The following SLC25A12 variants were observed in gnomAD, a reference collection of about 807,000 sequenced individuals.
SLC25A12 encodes the protein electrogenic aspartate/glutamate antiporter SLC25A12, mitochondrial.
In SLC25A12, 32 loss-of-function variants were observed where a neutral mutation model predicts 83.3. The observed-to-expected ratio is 0.38, with a 90% CI of 0.29 to 0.52. The LOEUF (loss-of-function observed/expected upper bound fraction) is 0.52. Ranked by LOEUF, SLC25A12 falls within the 20% of genes least tolerant of loss-of-function variation. The pLI is 0.84. For synonymous variants in SLC25A12, 267 were observed against 291.1 expected, an observed-to-expected ratio of 0.92 and a Z score of 0.84; for missense variants, 611 against 835.6, an observed-to-expected ratio of 0.73 and a Z score of 3.31.
intron 9 of SLC25A12, among the ~76,000 whole-genome samples, chr2:171,816,469 T>C (rs1251269791): frequency 6.6e-6 from 1 of 152,204 alleles, no homozygotes; most frequent in Non-Finnish European, 1.5e-5. Context: ...CACATCCTCT[T>C]GTATTCTTTA....
chr2:171,878,690 C>A (rs1483722622), intron 2 of SLC25A12, among the ~76,000 whole-genome samples: 1 of 152,208 alleles, frequency 6.6e-6, no homozygotes, highest in African/African-American at 2.4e-5. Context: ...ATTTTCAGAT[C>A]TTAACATCCT....
intron 13 of SLC25A12, 147 bp from the exon 14 acceptor site, chr2:171,793,914 G>A: frequency 1.1e-6 from 1 of 894,932 alleles, no homozygotes; most frequent in Non-Finnish European, 1.8e-6. Context: ...ATGACAGTTT[G>A]ACACTTAGGC....
chr2:171,870,815 G>C (rs1214469922), intron 2 of SLC25A12, among the ~76,000 whole-genome samples: 2 of 152,194 alleles, frequency 1.3e-5, no homozygotes, highest in Non-Finnish European at 2.9e-5. Flanking sequence ...CAGGGAAGAA[G>C]AATCAGGGCA....
intron 15 of SLC25A12, chr2:171,789,071 G>A (rs1388587752): frequency 2.6e-5 from 4 of 152,226 alleles, no homozygotes; most frequent in African/African-American, 7.2e-5. Context: ...ATTGTTGATT[G>A]GAAAGCACAA....
At chr2:171,792,984 A>T (rs1228398699) in intron 14 of SLC25A12, among the ~76,000 whole-genome samples, 3 of 152,222 alleles carry the variant, frequency 2.0e-5, no homozygotes, top group African/African-American at 4.8e-5. Flanking sequence ...ATGGAAAGAA[A>T]TATTCTTCCT....
chr2:171,866,439 G>T (rs1244767414), intron 3 of SLC25A12, among the ~76,000 whole-genome samples: 1 of 142,926 alleles, frequency 7.0e-6, no homozygotes, highest in Admixed American at 6.9e-5. Context: ...CCTCCCGGAC[G>T]GGGCGGCTGG....
At chr2:171,892,005 G>A (rs1388888237) in intron 2 of SLC25A12, among the ~76,000 whole-genome samples, 1 of 152,152 alleles carries the variant, frequency 6.6e-6, no homozygotes, top group African/African-American at 2.4e-5. Context: ...AGGCTCATCA[G>A]CATATGTTAG....
At chr2:171,834,948 A>T (rs946148353) in intron 6 of SLC25A12, 83 bp from the exon 7 acceptor site, 13 of 1,440,066 alleles carry the variant, frequency 9.0e-6, no homozygotes, top group Non-Finnish European at 1.2e-5. Flanking sequence ...CTCAAAGAGG[A>T]TCCAAAGGAG....
At chr2:171,890,283 ATTT>A (rs1685903566) in intron 2 of SLC25A12, among the ~76,000 whole-genome samples, 1 of 152,218 alleles carries the variant, frequency 6.6e-6, no homozygotes, top group Non-Finnish European at 1.5e-5. Flanking sequence ...GTTAGCATGT[ATTT>A]TTGTCTTCTA....
rs759968024 is a variant in SLC25A12 at position 171,809,628 on chromosome 2, G to C, written c.1283C>G (p.Ala428Gly). The change falls in exon 13 of 18, where the codon GCA (alanine) becomes GGA (glycine). Residue 428 changes from alanine (A) to glycine (G), a missense_variant. Around this residue, in one of 3 missense-constraint regions of SLC25A12, gnomAD observed 540 missense variants for 777.5 expected, o/e 0.69. Transcript: ENST00000422440. ...TRRDGSVPLP[A>G]EVLAGGCAGG... ...TACACAGCCTCCAGCAAGAACTTCTGCTGGAAGTGGAACAGAGCCATCTCT... is the reference window on the plus strand; with the variant it reads ...TACACAGCCTCCAGCAAGAACTTCTCCTGGAAGTGGAACAGAGCCATCTCT... 6.8e-6 allele frequency: 11 copies of C among 1,613,904 alleles called. No individual in the cohort carries two copies. The highest frequency in any genetic ancestry group is 9.3e-6 in the Non-Finnish European group (11 of 1,179,836).
At chr2:171,862,398 C>T (rs1299839341) in intron 3 of SLC25A12, among the ~76,000 whole-genome samples, 1 of 152,200 alleles carries the variant, frequency 6.6e-6, no homozygotes, top group Non-Finnish European at 1.5e-5. Flanking sequence ...ACAAATAATA[C>T]TTGGCTAATG....
intron 2 of SLC25A12, among the ~76,000 whole-genome samples, chr2:171,874,377 A>G (rs969495645): frequency 1.3e-5 from 2 of 152,208 alleles, no homozygotes; most frequent in Non-Finnish European, 2.9e-5. Context: ...GGGTGACAAG[A>G]GCAGAACTCC....
At chr2:171,819,546 T>C (rs1684141422) in intron 9 of SLC25A12, among the ~76,000 whole-genome samples, 2 of 146,636 alleles carry the variant, frequency 1.4e-5, no homozygotes, top group Non-Finnish European at 3.0e-5. Flanking sequence ...AGTTAAGTTG[T>C]GTTAAAGACT....
chr2:171,785,100 T>C lies in SLC25A12; in HGVS notation c.*174A>G. The C allele has an allele frequency of 4.6e-6, 3 of 651,280 alleles. No homozygotes were observed. Among genetic ancestry groups the C allele is most frequent in the East Asian group, 2.9e-5 (1 of 34,462 alleles). 40.3% of individuals were successfully genotyped at this position (651,280 alleles called of 1,614,324 possible). ...AAAGCTTGAAACAGCGTTGTGGTTTTTTCCCTGGGCAAATGATTATTTTAT... is the reference window on the plus strand; with the variant it reads ...AAAGCTTGAAACAGCGTTGTGGTTTCTTCCCTGGGCAAATGATTATTTTAT... On this transcript the variant is annotated 3_prime_UTR_variant, in exon 18 of 18. Coordinates refer to ENST00000422440, the MANE Select transcript of SLC25A12 (RefSeq NM_003705.5).
intron 2 of SLC25A12, among the ~76,000 whole-genome samples, chr2:171,891,256 G>A (rs1685929002): frequency 1.3e-5 from 2 of 151,512 alleles, no homozygotes; most frequent in South Asian, 2.1e-4. Flanking sequence ...CCAAGATCAC[G>A]CCAGTGCATT....
intron 10 of SLC25A12, among the ~76,000 whole-genome samples, 172 bp from the exon 11 acceptor site, chr2:171,813,669 T>C (rs1473757797): frequency 6.6e-6 from 1 of 152,180 alleles, no homozygotes; most frequent in African/African-American, 2.4e-5. Context: ...TAGCAGGCTA[T>C]AGCAAGCACT....
chr2:171,866,910 C>G (rs546903843), intron 3 of SLC25A12, among the ~76,000 whole-genome samples: 3,129 of 150,928 alleles, frequency 0.021, 51 homozygotes, highest in Middle Eastern at 0.039. Flanking sequence ...CTCCTCACTT[C>G]TCAGACGGGG....
chr2:171,804,559 C>G (rs1481074431), intron 13 of SLC25A12, among the ~76,000 whole-genome samples: 1 of 152,166 alleles, frequency 6.6e-6, no homozygotes, highest in Non-Finnish European at 1.5e-5. Context: ...CCACGCCCAG[C>G]CTCCATTTAT....
At chr2:171,809,781 T>C (rs1558914577) in intron 12 of SLC25A12, 95 bp from the exon 13 acceptor site, 2 of 903,568 alleles carry the variant, frequency 2.2e-6, no homozygotes, top group Non-Finnish European at 3.7e-6. Flanking sequence ...ATTTGTCTTA[T>C]GATAAAATTT....
Sources: allele counts gnomAD v4.1 joint callset (sites outside exome capture counted in the v4.1 genomes callset), GRCh38; gene constraint gnomAD v4.1.1; regional missense constraint gnomAD v4.1.1; transcripts MANE v1.5; gene names NCBI Gene and HGNC (gene_info 2026-07-23, HGNC 2026-07-21).